FANCL: variants seen among roughly 807,000 people sequenced by gnomAD.
FANCL encodes E3 ubiquitin-protein ligase FANCL.
A neutral mutation model predicts 59.4 loss-of-function variants in FANCL; 69 were observed. That is an observed-to-expected ratio of 1.16 (90% CI 0.96 to 1.42). The LOEUF is 1.42. Ranked by LOEUF, FANCL falls within the 40% of genes most tolerant of loss-of-function variation. The pLI is 0.00. For missense variants in FANCL, 519 were observed against 447.2 expected (o/e 1.16, Z -1.45); for synonymous variants, 180 against 147.1 (o/e 1.22, Z -1.62).
chr2:58,166,946 G>C (rs1350343879), intron 7 of FANCL, among the ~76,000 whole-genome samples: 1 of 152,212 alleles, frequency 6.6e-6, no homozygotes, highest in East Asian at 1.9e-4. Context: ...AGGTGCAGTG[G>C]CTCAGGCCTG....
chr2:58,232,835 A>T (rs1449094935), intron 1 of FANCL, among the ~76,000 whole-genome samples: 1 of 152,038 alleles, frequency 6.6e-6, no homozygotes, highest in African/African-American at 2.4e-5. Flanking sequence ...GATAATACAC[A>T]GGAAACTTGA....
chr2:58,202,239 T>TAA (rs5831491), intron 6 of FANCL, among the ~76,000 whole-genome samples: 9,468 of 105,992 alleles, frequency 0.089, 1,161 homozygotes, highest in African/African-American at 0.26. Context: ...ACCTTTTTCC[T>TAA]AAAAAAAAAA....
chr2:58,177,281 G>A (rs1285859140), intron 7 of FANCL, among the ~76,000 whole-genome samples: 1 of 152,078 alleles, frequency 6.6e-6, no homozygotes, highest in African/African-American at 2.4e-5. Flanking sequence ...CCATTACTGG[G>A]TATATACCCA....
At chr2:58,202,782 G>A (rs1194856837) in intron 6 of FANCL, among the ~76,000 whole-genome samples, 1 of 151,506 alleles carries the variant, frequency 6.6e-6, no homozygotes, top group Non-Finnish European at 1.5e-5. Context: ...TCATCAACTT[G>A]GATTAAAATC....
chr2:58,210,797 A>G (rs902690804), intron 5 of FANCL, among the ~76,000 whole-genome samples: 7 of 152,222 alleles, frequency 4.6e-5, no homozygotes, highest in Non-Finnish European at 8.8e-5. Context: ...CAGCAGGGCA[A>G]TCAAATCTTA....
rs535831175 is a variant in FANCL, at chr2:58,198,897, T to TGC, written c.472-236_472-235insGC. On this transcript the variant is annotated intron_variant, in intron 6 of 13. Coordinates refer to ENST00000233741, the MANE Select transcript of FANCL (RefSeq NM_018062.4). ...ACAAAAAATTAGCCAGGCATTGTGGTGGGCGCCTGTAGTCCCAGCTACTTG... is the reference window on the plus strand; with the variant it reads ...ACAAAAAATTAGCCAGGCATTGTGGTGCGGGCGCCTGTAGTCCCAGCTACTTG... Among the ~76,000 whole-genome samples the TGC allele has an allele frequency of 3.2e-4, 48 of 151,576 alleles. No individual in the cohort carries two copies. In the East Asian group the frequency reaches 8.9e-3, roughly 28 times the overall value.
chr2:58,222,084 G>A, intron 4 of FANCL, 42 bp from the exon 5 acceptor site: 1 of 1,367,308 alleles, frequency 7.3e-7, no homozygotes. Flanking sequence ...TGGAACGCAA[G>A]ACAATGAACT....
intron 7 of FANCL, among the ~76,000 whole-genome samples, chr2:58,171,816 G>A (rs189178005): frequency 5.7e-4 from 87 of 152,302 alleles, no homozygotes; most frequent in African/African-American, 1.8e-3. Flanking sequence ...TGCCTCCCTC[G>A]GGAAGTGCAA....
chr2:58,174,351 C>T (rs1339281044), intron 7 of FANCL, among the ~76,000 whole-genome samples: 1 of 152,162 alleles, frequency 6.6e-6, no homozygotes. Context: ...CTCAGCACCA[C>T]ACCACACCTG....
intron 5 of FANCL, among the ~76,000 whole-genome samples, chr2:58,217,464 G>A (rs112032953): frequency 6.6e-6 from 1 of 150,908 alleles, no homozygotes; most frequent in African/African-American, 2.4e-5. Context: ...AAAAGAGGAA[G>A]AATTTCAATA....
intron 5 of FANCL, among the ~76,000 whole-genome samples, chr2:58,212,567 A>C (rs983527405): frequency 1.3e-5 from 2 of 152,266 alleles, no homozygotes; most frequent in African/African-American, 4.8e-5. Flanking sequence ...TACTCAAAGC[A>C]AAAGTATTTG....
At chr2:58,221,504 C>T (rs1181647994) in intron 5 of FANCL, among the ~76,000 whole-genome samples, 14 of 151,912 alleles carry the variant, frequency 9.2e-5, no homozygotes, top group Admixed American at 3.3e-4. Context: ...TAAAATTTAC[C>T]ACTCAAATTA....
At chr2:58,214,347 A>G (rs966280067) in intron 5 of FANCL, among the ~76,000 whole-genome samples, 1 of 152,224 alleles carries the variant, frequency 6.6e-6, no homozygotes, top group African/African-American at 2.4e-5. Flanking sequence ...TTTAGCTCAC[A>G]AAACACTTAC....
At chr2:58,167,073 G>A (rs767343464) in intron 7 of FANCL, among the ~76,000 whole-genome samples, 2 of 152,202 alleles carry the variant, frequency 1.3e-5, no homozygotes, top group African/African-American at 4.8e-5. Context: ...TTAGCTGGGC[G>A]TAGTGGCACG....
At chr2:58,199,944 C>T (rs1266505013) in intron 6 of FANCL, among the ~76,000 whole-genome samples, 4 of 151,758 alleles carry the variant, frequency 2.6e-5, no homozygotes, top group South Asian at 2.1e-4. Flanking sequence ...GAAATCAACA[C>T]TTTCAAAAAA....
At chr2:58,172,923 A>G (rs1686824210) in intron 7 of FANCL, among the ~76,000 whole-genome samples, 1 of 152,222 alleles carries the variant, frequency 6.6e-6, no homozygotes, top group South Asian at 2.1e-4. Flanking sequence ...TAGAATAACC[A>G]ATACAGAGAA....
intron 5 of FANCL, among the ~76,000 whole-genome samples, chr2:58,221,532 T>TTA (rs1453930784): frequency 3.9e-5 from 6 of 152,158 alleles, no homozygotes; most frequent in African/African-American, 1.2e-4. Flanking sequence ...ACTTATAATG[T>TTA]TATATATATG....
At chr2:58,166,278 T>C (rs1397469442) in intron 7 of FANCL, among the ~76,000 whole-genome samples, 1 of 152,204 alleles carries the variant, frequency 6.6e-6, no homozygotes, top group Non-Finnish European at 1.5e-5. Context: ...ATTTCATGTT[T>C]GCTGCAGCAA....
chr2:58,213,564 TA>T (rs1181322649), intron 5 of FANCL: 1 of 152,136 alleles, frequency 6.6e-6, no homozygotes, highest in Non-Finnish European at 1.5e-5. Context: ...TAACAGCAGC[TA>T]AATCGAAAGT....
Sources: allele counts gnomAD v4.1 joint callset (sites outside exome capture counted in the v4.1 genomes callset), GRCh38; gene constraint gnomAD v4.1.1; transcripts MANE v1.5; gene names NCBI Gene and HGNC (gene_info 2026-07-23, HGNC 2026-07-21).